The following GALNT7 variants were observed in gnomAD, a reference collection of about 807,000 sequenced individuals.
GALNT7 encodes the protein polypeptide N-acetylgalactosaminyltransferase 7.
A neutral mutation model predicts 82.1 loss-of-function variants in GALNT7; 60 were observed. The observed-to-expected ratio is 0.73, with a 90% CI of 0.59 to 0.91. GALNT7 has a LOEUF of 0.91. Among genes scored for constraint, GALNT7 ranks in the 40% least tolerant of loss-of-function variants. GALNT7 has a pLI of 0.00. For missense variants in GALNT7, 660 were observed against 804.2 expected (o/e 0.82, Z 2.17); for synonymous variants, 243 against 275.1 (o/e 0.88, Z 1.15).
chr4:173,205,511 T>C (rs1419449477), intron 1 of GALNT7, among the ~76,000 whole-genome samples: 1 of 151,974 alleles, frequency 6.6e-6, no homozygotes, highest in Non-Finnish European at 1.5e-5. Context: ...TTTTTATGAT[T>C]AGGTGGTTTT....
chr4:173,319,465 TATAAC>T (rs952625503), intron 11 of GALNT7, among the ~76,000 whole-genome samples: 2 of 152,124 alleles, frequency 1.3e-5, no homozygotes, highest in African/African-American at 4.8e-5. Context: ...TTTTGTTTCT[TATAAC>T]AAGTTAGGAA....
intron 1 of GALNT7, among the ~76,000 whole-genome samples, chr4:173,209,340 C>T (rs186084378): frequency 2.0e-4 from 30 of 152,324 alleles, no homozygotes; most frequent in Admixed American, 5.9e-4. Context: ...CTTAGCTCTT[C>T]GTCAGTATTT....
chr4:173,314,172 G>A lies in GALNT7; in HGVS notation c.1604G>A (p.Gly535Glu). The change falls in exon 9 of 12, where the codon GGA becomes GAA. Residue 535 changes from glycine to glutamate, a missense_variant. Physicochemically the swap from Gly to Glu is moderately conservative, Grantham distance 98 (BLOSUM62 -2). Transcript: ENST00000265000. ...YPLPPKNVDW[G>E]EIRGFETAYC... ...TTGCCACCCAAAAATGTTGACTGGG[G>A]AGAAGTAAGTAGTCACATCTCAAAA... 6.3e-7 allele frequency: 1 copy of A among 1,583,214 alleles called. No homozygotes were observed. Among genetic ancestry groups the A allele is most frequent in the Non-Finnish European group, 8.7e-7 (1 of 1,151,814 alleles).
intron 1 of GALNT7, among the ~76,000 whole-genome samples, chr4:173,228,564 A>G (rs1462184733): frequency 6.6e-6 from 1 of 152,026 alleles, no homozygotes; most frequent in Non-Finnish European, 1.5e-5. Flanking sequence ...GCATTTCTGC[A>G]TAATGTCTCT....
chr4:173,321,098 G>C (rs1737797146), intron 11 of GALNT7, among the ~76,000 whole-genome samples: 1 of 152,114 alleles, frequency 6.6e-6, no homozygotes, highest in Non-Finnish European at 1.5e-5. Context: ...GAGAAGCTCT[G>C]AGCTATATTG....
intron 2 of GALNT7, among the ~76,000 whole-genome samples, chr4:173,257,155 G>A (rs919325991): frequency 6.6e-6 from 1 of 152,206 alleles, no homozygotes; most frequent in Non-Finnish European, 1.5e-5. Flanking sequence ...GAGGCAGTTA[G>A]GGGAGGCTTC....
chr4:173,314,395 G>A (rs1580015717), intron 9 of GALNT7, among the ~76,000 whole-genome samples: 1 of 152,152 alleles, frequency 6.6e-6, no homozygotes, highest in Non-Finnish European at 1.5e-5. Flanking sequence ...CCCCTAGCCT[G>A]CAAGACATCC....
chr4:173,303,547 C>G (rs1266144932), intron 7 of GALNT7, among the ~76,000 whole-genome samples: 1 of 152,088 alleles, frequency 6.6e-6, no homozygotes, highest in Non-Finnish European at 1.5e-5. Context: ...ATAACATGAC[C>G]CAAAGCTGCC....
intron 11 of GALNT7, among the ~76,000 whole-genome samples, 174 bp from the exon 12 acceptor site, chr4:173,321,406 C>A (rs1737809595): frequency 6.6e-6 from 1 of 152,090 alleles, no homozygotes; most frequent in Non-Finnish European, 1.5e-5. Context: ...AGAAAACTGA[C>A]AATCAAGAGA....
chr4:173,220,212 G>T (rs2126687007), intron 1 of GALNT7, among the ~76,000 whole-genome samples: 1 of 152,216 alleles, frequency 6.6e-6, no homozygotes, highest in Admixed American at 6.5e-5. Flanking sequence ...TCTTTTACAT[G>T]TGATTTGCCA....
chr4:173,227,324 T>G (rs572175056), intron 1 of GALNT7, among the ~76,000 whole-genome samples: 1 of 152,154 alleles, frequency 6.6e-6, no homozygotes, highest in Non-Finnish European at 1.5e-5. Flanking sequence ...CCTTCTTTTT[T>G]GTTTGTTTGT....
intron 1 of GALNT7, among the ~76,000 whole-genome samples, chr4:173,229,225 A>G (rs1733942666): frequency 6.6e-6 from 1 of 152,152 alleles, no homozygotes; most frequent in South Asian, 2.1e-4. Flanking sequence ...AATTTATTAC[A>G]TCTTAATATT....
chr4:173,245,751 C>G (rs546616800), intron 1 of GALNT7, among the ~76,000 whole-genome samples: 1 of 152,286 alleles, frequency 6.6e-6, no homozygotes, highest in South Asian at 2.1e-4. Flanking sequence ...AACACTTTTT[C>G]CATCATCAGA....
At chr4:173,263,080 T>A (rs1207221625) in intron 2 of GALNT7, among the ~76,000 whole-genome samples, 1 of 152,126 alleles carries the variant, frequency 6.6e-6, no homozygotes, top group Non-Finnish European at 1.5e-5. Flanking sequence ...ACCATCAGAG[T>A]AAATATCCAC....
intron 1 of GALNT7, among the ~76,000 whole-genome samples, chr4:173,230,132 C>G (rs564698462): frequency 1.3e-5 from 2 of 152,284 alleles, no homozygotes; most frequent in African/African-American, 4.8e-5. Flanking sequence ...TTCAGTGAGA[C>G]TTGCCAGTGT....
intron 2 of GALNT7, among the ~76,000 whole-genome samples, chr4:173,262,080 C>G (rs1219306069): frequency 6.6e-6 from 1 of 152,128 alleles, no homozygotes; most frequent in African/African-American, 2.4e-5. Flanking sequence ...AATTCCAACA[C>G]CTACCTCTGC....
chr4:173,207,115 C>G (rs1733124941), intron 1 of GALNT7, among the ~76,000 whole-genome samples: 1 of 152,054 alleles, frequency 6.6e-6, no homozygotes, highest in Admixed American at 6.6e-5. Context: ...TGATAATTTG[C>G]CCTTTCTTCA....
intron 2 of GALNT7, among the ~76,000 whole-genome samples, chr4:173,261,962 C>T (rs1482505592): frequency 6.6e-6 from 1 of 152,008 alleles, no homozygotes; most frequent in Non-Finnish European, 1.5e-5. Flanking sequence ...AATTTCATTA[C>T]ATATTACATA....
chr4:173,294,032 T>TA (rs1561193119), intron 3 of GALNT7, among the ~76,000 whole-genome samples: 4 of 152,184 alleles, frequency 2.6e-5, no homozygotes, highest in African/African-American at 7.2e-5. Context: ...TTTGAGCCCT[T>TA]AACACAGTGT....
Sources: gnomAD v4.1 joint callset for allele counts (sites outside exome capture counted in the v4.1 genomes callset) on GRCh38, gnomAD v4.1.1 for gene constraint, MANE v1.5 for transcripts, NCBI Gene and HGNC (gene_info 2026-07-23, HGNC 2026-07-21) for gene names.